MRPS7: variants seen among roughly 807,000 people sequenced by gnomAD.
The protein encoded by MRPS7 is small ribosomal subunit protein uS7m.
Under a neutral mutation model 26.2 loss-of-function variants are expected in MRPS7, and 13 were observed. The ratio of observed to expected loss-of-function variants is 0.50; its 90% CI spans 0.32 to 0.79. MRPS7 has a LOEUF of 0.79. MRPS7 is among the 30% of genes least tolerant of loss of function. The probability of loss-of-function intolerance (pLI) is 0.03; values close to 1 mark genes in which losing one functional copy is unlikely to be tolerated. For synonymous variants in MRPS7, 129 were observed against 113.3 expected (o/e 1.14, Z -0.88); for missense variants, 318 against 312.2 (o/e 1.02, Z -0.14).
intron 4 of MRPS7, among the ~76,000 whole-genome samples, chr17:75,265,274 G>T (rs978772255): frequency 2.0e-5 from 3 of 152,082 alleles, no homozygotes; most frequent in African/African-American, 7.2e-5. Flanking sequence ...CTGACCTCAG[G>T]TAATCCACCT....
rs1275234007 is a variant in MRPS7, at chr17:75,266,096, G to A, written c.*173G>A. On this transcript the variant is annotated 3_prime_UTR_variant, in exon 5 of 5. Coordinates refer to ENST00000245539, the MANE Select transcript of MRPS7 (RefSeq NM_015971.4). ...GTTAATCCTTCTTTCTTTGAGGCTG[G>A]AACTTGCTCTCTCTGCCCCTATTTC... The A allele has an allele frequency of 7.9e-6, 5 of 633,780 alleles. No individual in the cohort carries two copies. The highest frequency in any genetic ancestry group is 1.4e-5 in the Non-Finnish European group (5 of 367,524). The allele number at this position is 633,780 out of a possible 1,614,324, so 39.3% of individuals were successfully genotyped here.
At position 75,262,011 on chromosome 17, in the gene MRPS7, G is replaced by T. The variant is rs972770139; in HGVS notation, c.83+28G>T. The T allele has an allele frequency of 2.5e-6, 4 of 1,600,628 alleles. No individual in the cohort carries two copies. In the Admixed American group the frequency reaches 6.7e-5, roughly 27 times the overall value. On this transcript the variant is annotated intron_variant, in intron 1 of 4. Coordinates refer to ENST00000245539, the MANE Select transcript of MRPS7 (RefSeq NM_015971.4). ...GAGAGGGTGGCGAGCAGCGGCGGGG[G>T]GGCGCTGCGAGGAAGGAAGGGGGCC...
Position 75,261,973 on chromosome 17 carries a change from C to G in MRPS7, c.73C>G (p.Gln25Glu). 1 of 1,601,788 alleles carries G rather than the reference C, an allele frequency of 6.2e-7. No homozygotes were observed. Among genetic ancestry groups the G allele is most frequent in the Non-Finnish European group, 8.5e-7 (1 of 1,178,730 alleles). ...LALGVRRAVL[Q>E]LPGLTQVRWS... ...GTTGGGCGTGCGGCGGGCTGTCTTG[C>G]AGCTTCCAGGGTGAGAGGGTGGCGA... Residue 25 changes from glutamine to glutamate, a missense_variant, in exon 1 of 5, where the codon CAG (glutamine) becomes GAG (glutamate). Coordinates refer to ENST00000245539, the MANE Select transcript of MRPS7 (RefSeq NM_015971.4).
chr17:75,262,148 A>T lies in MRPS7; in HGVS notation c.83+165A>T, dbSNP rs142961566. ...CCTGCGCCAATCCGAAGGTTTAGTG[A>T]CTACCTCTCGCCTAAGGAGTCTGGC... is the stretch of plus-strand genomic sequence containing the variant. On this transcript the variant is annotated intron_variant, in intron 1 of 4. Coordinates refer to ENST00000245539, the MANE Select transcript of MRPS7 (RefSeq NM_015971.4). 221 of 824,122 alleles carry T rather than the reference A, an allele frequency of 2.7e-4. No individual in the cohort carries two copies. The African/African-American group carries it at 3.3e-3, about 12-fold the overall frequency. The allele number at this position is 824,122 out of a possible 1,614,324, so 51.1% of individuals were successfully genotyped here. A position where few individuals can be genotyped will look rare whatever the true frequency, so the allele number is the denominator to read the frequency against.
At chr17:75,265,328 G>T (rs890440100) in intron 4 of MRPS7, among the ~76,000 whole-genome samples, 3 of 151,854 alleles carry the variant, frequency 2.0e-5, no homozygotes, top group Non-Finnish European at 4.4e-5. Context: ...GTGAACCATC[G>T]TGCCTGGCCT....
In MRPS7 at chr17:75,262,684, A is replaced by G. The variant is rs2077426477; in HGVS notation, c.271A>G (p.Ile91Val). Residue 91 changes from isoleucine to valine, a missense_variant, in exon 2 of 5, where the codon ATC (isoleucine) becomes GTC (valine). Transcript: ENST00000245539. ...KTSSVFEDPV[I>V]SKFTNMMMIG... ...AAGTTCTGTGTTTGAAGACCCAGTC[A>G]TCAGGTTAGATGGAAACAAACACTT... is the stretch of plus-strand genomic sequence containing the variant. 4 of 1,614,200 alleles carry G rather than the reference A, an allele frequency of 2.5e-6. No homozygotes were observed. Among genetic ancestry groups the G allele is most frequent in the Non-Finnish European group, 3.4e-6 (4 of 1,180,026 alleles).
Position 75,265,723 on chromosome 17 carries a change from C to A in MRPS7, c.529C>A (p.Arg177=), listed in dbSNP as rs201710175. 2.5e-6 allele frequency: 4 copies of A among 1,613,896 alleles called. No individual in the cohort carries two copies. Among genetic ancestry groups the A allele is most frequent in the Non-Finnish European group, 2.5e-6 (3 of 1,180,046 alleles). The part of the protein sequence containing the change: ...FYQVPVPLPD[R]RRRFLAMKWM... ...CCAGGTCCCTGTACCCCTACCCGACCGGCGTCGCCGCTTCCTAGCCATGAA... is the reference window on the plus strand; with the variant it reads ...CCAGGTCCCTGTACCCCTACCCGACAGGCGTCGCCGCTTCCTAGCCATGAA... Residue 177 remains arginine, a synonymous_variant, in exon 5 of 5, where the codon CGG becomes AGG. Coordinates refer to ENST00000245539, the MANE Select transcript of MRPS7 (RefSeq NM_015971.4).
At position 75,265,799 on chromosome 17, in the gene MRPS7, C is replaced by T. The variant is rs781486322; in HGVS notation, c.605C>T (p.Pro202Leu). 39 of 1,614,036 alleles carry T rather than the reference C, an allele frequency of 2.4e-5. No homozygotes were observed. In the African/African-American group the frequency reaches 3.7e-4, roughly 15 times the overall value. The stretch of plus-strand genomic sequence containing the variant: ...AAAAAGCACCAGCGGACACTGATGC[C>T]GGAGAAGCTGTCACACAAGCTGCTG... The part of the protein sequence containing the change: ...RDKKHQRTLM[P>L]EKLSHKLLEA... The change falls in exon 5 of 5, where the codon CCG becomes CTG. Residue 202 changes from proline (P) to leucine (L), a missense_variant. Physicochemically the swap from Pro to Leu is moderately conservative, Grantham distance 98. Coordinates refer to ENST00000245539, the MANE Select transcript of MRPS7 (RefSeq NM_015971.4).
intron 4 of MRPS7, among the ~76,000 whole-genome samples, chr17:75,265,331 C>G (rs1407809725): frequency 1.3e-5 from 2 of 152,116 alleles, no homozygotes; most frequent in South Asian, 2.1e-4. Flanking sequence ...AACCATCGTG[C>G]CTGGCCTTCT....
chr17:75,263,751 T>A (rs1052812662), intron 4 of MRPS7: 1 of 492,956 alleles, frequency 2.0e-6, no homozygotes, highest in African/African-American at 2.0e-5. Context: ...TGTGGTGGTG[T>A]GCATCTGTGC....
At position 75,266,013 on chromosome 17, in the gene MRPS7, T is replaced by G. The variant is rs2077476710; in HGVS notation, c.*90T>G. 1.6e-6 allele frequency: 2 copies of G among 1,253,856 alleles called. No individual in the cohort carries two copies. Among genetic ancestry groups the G allele is most frequent in the Admixed American group, 3.9e-5 (2 of 50,930 alleles). 77.7% of individuals were successfully genotyped at this position (1,253,856 alleles called of 1,614,324 possible). A position where few individuals can be genotyped will look rare whatever the true frequency, so the allele number is the denominator to read the frequency against. On this transcript the variant is annotated 3_prime_UTR_variant, in exon 5 of 5. Transcript: ENST00000245539. ...AACTACCTGTGGGTTAAGGATGTAG[T>G]TCCTTTGTAAGGGTGGGCAGGCCTC... is the stretch of plus-strand genomic sequence containing the variant.
intron 3 of MRPS7, 92 bp from the exon 4 acceptor site, chr17:75,263,248 C>T: frequency 2.0e-6 from 3 of 1,498,594 alleles, no homozygotes; most frequent in African/African-American, 1.4e-5. Context: ...AGCGCAGAAC[C>T]AGAGGATGGG....
rs1055874592 is a variant in MRPS7 at position 75,262,993 on chromosome 17, G to C, written c.339+126G>C. 2.8e-5 allele frequency: 27 copies of C among 951,816 alleles called. No homozygotes were observed. In the East Asian group the frequency reaches 7.1e-4, roughly 25 times the overall value. The allele number at this position is 951,816 out of a possible 1,614,324, so 59.0% of individuals were successfully genotyped here. On this transcript the variant is annotated intron_variant, in intron 3 of 4. Transcript: ENST00000245539. The stretch of plus-strand genomic sequence containing the variant: ...ATCTATTATTCAGATTAACTTCCCT[G>C]CATGTGTACGGGCTTTAATGAAGCC...
In MRPS7 at chr17:75,261,888, G is replaced by C; in HGVS notation, c.-13G>C. On this transcript the variant is annotated 5_prime_UTR_variant, in exon 1 of 5. Transcript: ENST00000245539. ...CGAGGGCAGTCCTTGTGGGGTCCTC[G>C]TGGCCAGCCAAGATGGCTGCCCCCG... The C allele has an allele frequency of 6.2e-7, 1 of 1,607,176 alleles. No individual in the cohort carries two copies. The highest frequency in any genetic ancestry group is 8.5e-7 in the Non-Finnish European group (1 of 1,179,350).
At chr17:75,264,981 C>G (rs2077462443) in intron 4 of MRPS7, among the ~76,000 whole-genome samples, 1 of 152,110 alleles carries the variant, frequency 6.6e-6, no homozygotes, top group African/African-American at 2.4e-5. Flanking sequence ...CTATTTGGTT[C>G]TTATAACAAC....
At chr17:75,262,009 G>C (rs771350492) in intron 1 of MRPS7, 26 bp downstream of exon 1, 1 of 1,600,930 alleles carries the variant, frequency 6.2e-7, no homozygotes, top group African/African-American at 1.3e-5. Flanking sequence ...GCAGCGGCGG[G>C]GGGGCGCTGC....
Position 75,262,574 on chromosome 17 carries a change from C to A in MRPS7, c.161C>A (p.Pro54Gln). Reference sequence around the variant, plus strand: ...ATTGACAAGGAATATTATCGCAAGCCAGTGGAGGAGCTAACTGAGGAGGAG... The same window carrying A: ...ATTGACAAGGAATATTATCGCAAGCAAGTGGAGGAGCTAACTGAGGAGGAG... ...PLIDKEYYRK[P>Q]VEELTEEEKY... Residue 54 changes from proline (P) to glutamine (Q), a missense_variant, in exon 2 of 5, where the codon CCA (proline) becomes CAA (glutamine). Pro to Gln is a moderately conservative substitution (Grantham distance 76). Transcript: ENST00000245539. 6.2e-7 allele frequency: 1 copy of A among 1,614,160 alleles called. No individual in the cohort carries two copies. The highest frequency in any genetic ancestry group is 8.5e-7 in the Non-Finnish European group (1 of 1,180,046).
chr17:75,265,760 C>T lies in MRPS7; in HGVS notation c.566C>T (p.Thr189Ile), dbSNP rs565223609. The T allele has an allele frequency of 6.2e-7, 1 of 1,614,188 alleles. No homozygotes were observed. The highest frequency in any genetic ancestry group is 8.5e-7 in the Non-Finnish European group (1 of 1,180,044). The change falls in exon 5 of 5, where the codon ACT (threonine) becomes ATT (isoleucine). Residue 189 changes from threonine to isoleucine, a missense_variant. Transcript: ENST00000245539. ...RRFLAMKWMI[T>I]ECRDKKHQRT... Reference sequence around the variant, plus strand: ...TTCCTAGCCATGAAGTGGATGATCACTGAGTGCCGGGATAAAAAGCACCAG... The same window carrying T: ...TTCCTAGCCATGAAGTGGATGATCATTGAGTGCCGGGATAAAAAGCACCAG...
chr17:75,263,109 C>T (rs1337747667), intron 3 of MRPS7: 7 of 624,168 alleles, frequency 1.1e-5, no homozygotes, highest in African/African-American at 3.7e-5. Context: ...AAACAACTGC[C>T]ATTCCCCACC....
Sources: gnomAD v4.1 joint callset for allele counts (sites outside exome capture counted in the v4.1 genomes callset) on GRCh38, gnomAD v4.1.1 for gene constraint, MANE v1.5 for transcripts, NCBI Gene and HGNC (gene_info 2026-07-23, HGNC 2026-07-21) for gene names.